Variants in ARHGEF10L observed in about 807,000 individuals in gnomAD.
ARHGEF10L encodes Rho guanine nucleotide exchange factor 10 like.
In ARHGEF10L, 69 loss-of-function variants were observed where a neutral mutation model predicts 141.2. That is an observed-to-expected ratio of 0.49 (90% CI 0.40 to 0.60). The LOEUF (loss-of-function observed/expected upper bound fraction) is 0.60. Ranked by LOEUF, ARHGEF10L falls within the 20% of genes least tolerant of loss-of-function variation. The pLI, the probability that ARHGEF10L is intolerant of heterozygous loss-of-function variation, is 0.00. For synonymous variants in ARHGEF10L, 711 were observed against 718.5 expected (o/e 0.99, Z 0.17); for missense variants, 1,482 against 1,734.3 (o/e 0.85, Z 2.58).
In ARHGEF10L at chr1:17,627,096, C is replaced by T. The variant is rs993523296; in HGVS notation, c.1411-234C>T. On this transcript the variant is annotated intron_variant, in intron 14 of 28. Coordinates refer to ENST00000361221, the MANE Select transcript of ARHGEF10L (RefSeq NM_018125.4). This position sits in a 1 kb window ranked among gnomAD's most constrained non-coding sequence, Gnocchi z 4.0. ...CTGGACAAATATCTGTTTGAGACCCCGCTTTCAGTTCATGTGGGTCTATTC... is the reference window on the plus strand; with the variant it reads ...CTGGACAAATATCTGTTTGAGACCCTGCTTTCAGTTCATGTGGGTCTATTC... Among the ~76,000 whole-genome samples the T allele has an allele frequency of 1.3e-5, 2 of 152,264 alleles. No homozygotes were observed. Among genetic ancestry groups the T allele is most frequent in the Non-Finnish European group, 2.9e-5 (2 of 68,050 alleles).
chr1:17,695,212 T>A lies in ARHGEF10L; in HGVS notation c.3239T>A (p.Val1080Glu), dbSNP rs1398010657. Residue 1080 changes from valine (V) to glutamate (E), a missense_variant, in exon 28 of 29, where the codon GTG becomes GAG. By Grantham distance (121) the Val-to-Glu change is moderately radical (BLOSUM62 -2). Transcript: ENST00000361221. ...CTGATCTGCCAGGGTCTGCTCTGGG[T>A]GGGCACTGACCAGGGTGTCATCGTC... ...SLLICQGLLWVGTDQGVIVLL... is the reference protein window; with the variant it reads ...SLLICQGLLWEGTDQGVIVLL... 6.2e-7 allele frequency: 1 copy of A among 1,612,624 alleles called. No homozygotes were observed. Among genetic ancestry groups the A allele is most frequent in the Non-Finnish European group, 8.5e-7 (1 of 1,179,752 alleles).
At chr1:17,609,824 G>T (rs908527046) in intron 7 of ARHGEF10L, among the ~76,000 whole-genome samples, 1 of 152,150 alleles carries the variant, frequency 6.6e-6, no homozygotes, top group Non-Finnish European at 1.5e-5. Flanking sequence ...GGAACAGCTC[G>T]TTGCTGCTTC....
In ARHGEF10L at chr1:17,594,412, C is replaced by T. The variant is rs78318029; in HGVS notation, c.257+5933C>T. 7.3e-3 allele frequency among the ~76,000 whole-genome samples: 1,104 copies of T among 152,258 alleles called. 12 individuals are homozygous for T. Among genetic ancestry groups the T allele is most frequent in the African/African-American group, 0.024 (1,006 of 41,548 alleles). On this transcript the variant is annotated intron_variant, in intron 4 of 28. Coordinates refer to ENST00000361221, the MANE Select transcript of ARHGEF10L (RefSeq NM_018125.4). ...TCCCACACAGAGCTGGTTTGGATCC[C>T]GCCTGCCCTACATGTTAGCTGCATG... is the stretch of plus-strand genomic sequence containing the variant.
In ARHGEF10L at chr1:17,539,871, G is replaced by C. The variant is rs1293077856; in HGVS notation, c.-123G>C. ...GCCATGGGCGCCCGCGGCGGCCTGC[G>C]GAGCTGGAGGCGCGGCGCCGGCCGC... On this transcript the variant is annotated 5_prime_UTR_variant, in exon 1 of 29. Transcript: ENST00000361221. The surrounding 1 kb of genome is among the most constrained non-coding windows in gnomAD (Gnocchi z 6.0). The C allele has an allele frequency of 6.7e-6, 1 of 149,294 alleles. No homozygotes were observed. Among genetic ancestry groups the C allele is most frequent in the Non-Finnish European group, 1.5e-5 (1 of 67,062 alleles). 9.2% of individuals were successfully genotyped at this position (149,294 alleles called of 1,614,324 possible). A position where few individuals can be genotyped will look rare whatever the true frequency, so the allele number is the denominator to read the frequency against.
intron 25 of ARHGEF10L, among the ~76,000 whole-genome samples, chr1:17,660,494 G>A (rs768513519): frequency 6.2e-4 from 94 of 152,206 alleles, no homozygotes; most frequent in Non-Finnish European, 9.8e-4. Flanking sequence ...CACCTCCCAC[G>A]TGTCCCTTTA....
intron 25 of ARHGEF10L, among the ~76,000 whole-genome samples, chr1:17,662,570 G>A (rs921063931): frequency 3.9e-5 from 6 of 152,142 alleles, no homozygotes; most frequent in Non-Finnish European, 8.8e-5. Flanking sequence ...TGCGGAGCTT[G>A]GATTCTGCCC....
At chr1:17,664,665 AC>A in intron 26 of ARHGEF10L, 70 bp downstream of exon 26, 3 of 1,401,908 alleles carry the variant, frequency 2.1e-6, no homozygotes, top group Admixed American at 2.9e-5. Context: ...TCTTATGTCC[AC>A]CCCGGCACCG....
At chr1:17,590,979 T>C (rs938156569) in intron 4 of ARHGEF10L, among the ~76,000 whole-genome samples, 2 of 152,168 alleles carry the variant, frequency 1.3e-5, no homozygotes, top group African/African-American at 4.8e-5. Context: ...AAAGCGATAC[T>C]CTGTCTCAAA....
chr1:17,601,668 A>C, intron 4 of ARHGEF10L, among the ~76,000 whole-genome samples: 1 of 150,604 alleles, frequency 6.6e-6, no homozygotes, highest in Admixed American at 6.6e-5. Flanking sequence ...CTGGTCTTGA[A>C]CTCCTGACCT....
At chr1:17,589,520 A>G (rs935288654) in intron 4 of ARHGEF10L, among the ~76,000 whole-genome samples, 12 of 152,234 alleles carry the variant, frequency 7.9e-5, no homozygotes, top group Admixed American at 6.5e-5. Flanking sequence ...GTGTCACCCA[A>G]CGGGAGGTTT....
At chr1:17,632,187 G>A (rs1557877127) in intron 15 of ARHGEF10L, 134 bp from the exon 16 acceptor site, 5 of 1,107,560 alleles carry the variant, frequency 4.5e-6, no homozygotes, top group Middle Eastern at 3.1e-4. Context: ...CAGGGATGGA[G>A]GGAGTGGCTT....
intron 2 of ARHGEF10L, among the ~76,000 whole-genome samples, chr1:17,581,203 T>C (rs1265747031): frequency 6.7e-6 from 1 of 149,768 alleles, no homozygotes. Flanking sequence ...TCTCAGCTAC[T>C]TGAGAGGCTG....
chr1:17,697,678 T>C lies in ARHGEF10L; in HGVS notation c.*298T>C. ...AGCCCAGTATCACTTGTTTGGGCCC[T>C]AGCGGGACTCCAAGGCAGCCACACG... is the stretch of plus-strand genomic sequence containing the variant. On this transcript the variant is annotated 3_prime_UTR_variant, in exon 29 of 29. Coordinates refer to ENST00000361221, the MANE Select transcript of ARHGEF10L (RefSeq NM_018125.4). This position sits in a 1 kb window ranked among gnomAD's most constrained non-coding sequence, Gnocchi z 4.8. The C allele has an allele frequency of 1.9e-6, 1 of 536,154 alleles. No individual in the cohort carries two copies. The highest frequency in any genetic ancestry group is 3.6e-6 in the Non-Finnish European group (1 of 279,472). The allele number at this position is 536,154 out of a possible 1,614,324, so 33.2% of individuals were successfully genotyped here.
At chr1:17,653,310 T>C (rs1265039044) in intron 22 of ARHGEF10L, among the ~76,000 whole-genome samples, 2 of 152,214 alleles carry the variant, frequency 1.3e-5, no homozygotes. Context: ...ATAGGGTGCC[T>C]TGACTTCCCA....
chr1:17,618,490 C>T lies in ARHGEF10L; in HGVS notation c.836-849C>T, dbSNP rs544006964. On this transcript the variant is annotated intron_variant, in intron 9 of 28. Transcript: ENST00000361221. ...CACCCCCACGCCGTCATCCGCTGTCCCTCCTCCTCCTCCTCCTCTGTCTCC... is the reference window on the plus strand; with the variant it reads ...CACCCCCACGCCGTCATCCGCTGTCTCTCCTCCTCCTCCTCCTCTGTCTCC... 8.8e-4 allele frequency: 1,059 copies of T among 1,198,186 alleles called. 10 individuals carry two copies. In the South Asian group the frequency reaches 0.022, roughly 24 times the overall value. 74.2% of individuals were successfully genotyped at this position (1,198,186 alleles called of 1,614,324 possible). A position where few individuals can be genotyped will look rare whatever the true frequency, so the allele number is the denominator to read the frequency against.
chr1:17,634,380 G>A (rs187900678), intron 16 of ARHGEF10L, 168 bp from the exon 17 acceptor site: 13 of 1,069,020 alleles, frequency 1.2e-5, no homozygotes, highest in African/African-American at 9.5e-5. Flanking sequence ...AGGAAGGCCC[G>A]CTTCTGTCCA....
intron 15 of ARHGEF10L, 50 bp from the exon 16 acceptor site, chr1:17,632,271 A>G: frequency 2.5e-6 from 4 of 1,605,320 alleles, no homozygotes; most frequent in Middle Eastern, 2.1e-4. Flanking sequence ...CGGCGCGGTA[A>G]AGCCGCCGGG....
intron 1 of ARHGEF10L, among the ~76,000 whole-genome samples, chr1:17,559,047 G>C (rs529340551): frequency 6.6e-6 from 1 of 152,324 alleles, no homozygotes; most frequent in East Asian, 1.9e-4. Context: ...GGAGCAGAAT[G>C]ATGTGGGGAG....
At position 17,673,788 on chromosome 1, in the gene ARHGEF10L, T is replaced by C. The variant is rs78936805; in HGVS notation, c.3009+9193T>C. 0.014 allele frequency among the ~76,000 whole-genome samples: 2,065 copies of C among 152,190 alleles called. 50 individuals carry two copies. Among genetic ancestry groups the C allele is most frequent in the Admixed American group, 0.061 (936 of 15,292 alleles). ...AGTTTCCTTCCTGTAAAATGGGGGATAATTATAGAACCTGCCCCAGGACTA... is the reference window on the plus strand; with the variant it reads ...AGTTTCCTTCCTGTAAAATGGGGGACAATTATAGAACCTGCCCCAGGACTA... On this transcript the variant is annotated intron_variant, in intron 26 of 28. Coordinates refer to ENST00000361221, the MANE Select transcript of ARHGEF10L (RefSeq NM_018125.4). The surrounding 1 kb of genome is among the most constrained non-coding windows in gnomAD (Gnocchi z 4.1).
Sources: allele counts gnomAD v4.1 joint callset (sites outside exome capture counted in the v4.1 genomes callset), GRCh38; gene constraint gnomAD v4.1.1; non-coding constraint Gnocchi (gnomAD v3.1); transcripts MANE v1.5; gene names NCBI Gene and HGNC (gene_info 2026-07-23, HGNC 2026-07-21).